The following RABGAP1 variants were observed in gnomAD, a reference collection of about 807,000 sequenced individuals.
RABGAP1 encodes the protein RAB GTPase activating protein 1.
In RABGAP1, 23 loss-of-function variants were observed where a neutral mutation model predicts 137.6. The ratio of observed to expected loss-of-function variants is 0.17; its 90% confidence interval spans 0.12 to 0.24. The LOEUF is 0.24. Among genes scored for constraint, RABGAP1 ranks in the 10% least tolerant of loss-of-function variants. RABGAP1 has a pLI of 1.00. For synonymous variants in RABGAP1, 451 were observed against 450.7 expected (o/e 1.00, Z -0.01); for missense variants, 906 against 1,275.8 (o/e 0.71, Z 4.42).
At chr9:123,096,574 T>TC (rs2035189435) in intron 21 of RABGAP1, among the ~76,000 whole-genome samples, 1 of 152,210 alleles carries the variant, frequency 6.6e-6, no homozygotes, top group African/African-American at 2.4e-5. Flanking sequence ...CCACCTTTTT[T>TC]TCTCTCTCTT....
chr9:123,045,495 A>G (rs949543256), intron 13 of RABGAP1, among the ~76,000 whole-genome samples: 1 of 152,290 alleles, frequency 6.6e-6, no homozygotes, highest in South Asian at 2.1e-4. Context: ...TCATTTTATA[A>G]TACTGAGGAT....
At chr9:123,023,672 TG>T (rs2031786116) in intron 13 of RABGAP1, among the ~76,000 whole-genome samples, 1 of 152,248 alleles carries the variant, frequency 6.6e-6, no homozygotes, top group Admixed American at 6.5e-5. Flanking sequence ...TACAAATGTT[TG>T]TTTTTTTCCA....
At chr9:123,058,816 A>T (rs919289924) in intron 13 of RABGAP1, among the ~76,000 whole-genome samples, 8 of 152,236 alleles carry the variant, frequency 5.3e-5, no homozygotes, top group Non-Finnish European at 1.0e-4. Flanking sequence ...ACAAGGTTTA[A>T]TTTGTTAACT....
intron 25 of RABGAP1, among the ~76,000 whole-genome samples, chr9:123,102,417 C>T (rs1471150618): frequency 6.6e-6 from 1 of 152,188 alleles, no homozygotes; most frequent in Non-Finnish European, 1.5e-5. Flanking sequence ...TCCCTCATGG[C>T]ACACATTCAC....
At chr9:122,951,320 T>C (rs1460905400) in intron 1 of RABGAP1, among the ~76,000 whole-genome samples, 3 of 152,122 alleles carry the variant, frequency 2.0e-5, no homozygotes, top group African/African-American at 7.2e-5. Flanking sequence ...CTCTGCTAAT[T>C]GCACATTAGC....
At chr9:123,085,936 T>A (rs2034852206) in intron 19 of RABGAP1, among the ~76,000 whole-genome samples, 1 of 149,542 alleles carries the variant, frequency 6.7e-6, no homozygotes, top group Non-Finnish European at 1.5e-5. Context: ...CTTTGATTTG[T>A]TTAACATCCT....
At chr9:122,963,237 C>T (rs956315510) in intron 2 of RABGAP1, among the ~76,000 whole-genome samples, 2 of 151,968 alleles carry the variant, frequency 1.3e-5, no homozygotes, top group Non-Finnish European at 2.9e-5. Flanking sequence ...AGCAAGTCCC[C>T]GTCTCATTTA....
intron 2 of RABGAP1, among the ~76,000 whole-genome samples, chr9:122,975,439 C>G (rs1000290357): frequency 2.8e-4 from 43 of 152,194 alleles, no homozygotes; most frequent in African/African-American, 8.9e-4. Flanking sequence ...CAATTTTGCT[C>G]TCAAGGAAAC....
chr9:123,046,868 T>G (rs191843861), intron 13 of RABGAP1, among the ~76,000 whole-genome samples: 140 of 152,314 alleles, frequency 9.2e-4, no homozygotes, highest in African/African-American at 3.2e-3. Context: ...TATAGAATCC[T>G]TAAGTGACAG....
At chr9:123,095,109 C>T (rs990038713) in intron 21 of RABGAP1, among the ~76,000 whole-genome samples, 1 of 151,516 alleles carries the variant, frequency 6.6e-6, no homozygotes, top group Non-Finnish European at 1.5e-5. Context: ...TGCCTATATT[C>T]CCAGCTACAT....
intron 1 of RABGAP1, chr9:122,945,996 A>G (rs1302859008): frequency 6.6e-6 from 1 of 152,178 alleles, no homozygotes; most frequent in African/African-American, 2.4e-5. Flanking sequence ...TTTTAAGACT[A>G]CTAAAGTGCA....
chr9:122,965,769 ATACAT>A (rs1168842087), intron 2 of RABGAP1, among the ~76,000 whole-genome samples: 3 of 152,180 alleles, frequency 2.0e-5, no homozygotes, highest in Non-Finnish European at 4.4e-5. Context: ...ACCATTGAAC[ATACAT>A]TTTAAATGAA....
intron 23 of RABGAP1, 52 bp from the exon 24 acceptor site, chr9:123,099,426 G>A (rs2035277105): frequency 6.7e-7 from 1 of 1,491,478 alleles, no homozygotes; most frequent in South Asian, 1.1e-5. Flanking sequence ...TGGAATTTAT[G>A]CAGATGATTA....
chr9:122,961,853 G>A (rs1026086976), intron 2 of RABGAP1, among the ~76,000 whole-genome samples: 12 of 152,244 alleles, frequency 7.9e-5, no homozygotes, highest in Middle Eastern at 3.4e-3. Flanking sequence ...ATAGGAAAAA[G>A]GAGATAAGAT....
intron 9 of RABGAP1, 21 bp from the exon 10 acceptor site, chr9:122,998,575 GC>G (rs772837337): frequency 6.7e-7 from 1 of 1,491,586 alleles, no homozygotes; most frequent in Non-Finnish European, 9.1e-7. Flanking sequence ...TACCTCTTCA[GC>G]CTCTCTCTTT....
chr9:123,042,846 A>C (rs1474070427), intron 13 of RABGAP1, among the ~76,000 whole-genome samples: 4 of 152,226 alleles, frequency 2.6e-5, no homozygotes, highest in African/African-American at 9.6e-5. Context: ...TGTAATAAAA[A>C]GATTCACATG....
At chr9:123,037,902 C>A (rs981009456) in intron 13 of RABGAP1, among the ~76,000 whole-genome samples, 1 of 151,632 alleles carries the variant, frequency 6.6e-6, no homozygotes, top group African/African-American at 2.4e-5. Context: ...AGTCTGACTT[C>A]AAAAAAAATG....
At chr9:123,073,040 G>A (rs893253130) in intron 15 of RABGAP1, among the ~76,000 whole-genome samples, 6 of 152,192 alleles carry the variant, frequency 3.9e-5, no homozygotes, top group African/African-American at 1.4e-4. Context: ...AATATGTAAG[G>A]TTCTTCTAAA....
intron 13 of RABGAP1, among the ~76,000 whole-genome samples, chr9:123,054,421 CT>C (rs906415179): frequency 6.6e-6 from 1 of 152,034 alleles, no homozygotes; most frequent in African/African-American, 2.4e-5. Flanking sequence ...AGTAATTAAC[CT>C]TTTTTTATTT....
Sources: allele counts gnomAD v4.1 joint callset (sites outside exome capture counted in the v4.1 genomes callset), GRCh38; gene constraint gnomAD v4.1.1; transcripts MANE v1.5; gene names NCBI Gene and HGNC (gene_info 2026-07-23, HGNC 2026-07-21).